DUSP22: variants seen among roughly 807,000 people sequenced by gnomAD.
DUSP22 encodes the protein dual specificity protein phosphatase 22.
DUSP22 carries 24 observed loss-of-function variants against 24.5 expected under a neutral mutation model. That is an observed-to-expected ratio of 0.98 (90% CI 0.71 to 1.38). The LOEUF (loss-of-function observed/expected upper bound fraction) is 1.38, where lower values mean the gene tolerates loss of function less well. DUSP22 is among the 40% of genes most tolerant of loss of function. The pLI is 0.00. For synonymous variants in DUSP22, 160 were observed against 106.4 expected (o/e 1.50, Z -3.10); for missense variants, 330 against 269.2 (o/e 1.23, Z -1.58).
chr6:338,118 G>A (rs1235982277), intron 4 of DUSP22: 1 of 152,448 alleles, frequency 6.6e-6, no homozygotes, highest in Non-Finnish European at 1.5e-5. Flanking sequence ...TGGGAGTCAT[G>A]CTCTTGTGTG....
At chr6:320,528 T>C (rs1480033715) in intron 3 of DUSP22, among the ~76,000 whole-genome samples, 3 of 152,306 alleles carry the variant, frequency 2.0e-5, no homozygotes, top group African/African-American at 7.2e-5. Context: ...CTGAGTGTAG[T>C]GTGCATAGAC....
intron 2 of DUSP22, among the ~76,000 whole-genome samples, chr6:310,633 C>T (rs1758039603): frequency 6.6e-6 from 1 of 152,306 alleles, no homozygotes; most frequent in African/African-American, 2.4e-5. Context: ...CTTTTGACGT[C>T]TGGGGAAAGA....
Position 350,441 on chromosome 6 carries a change from G to T in DUSP22, c.*1490G>T, listed in dbSNP as rs1032404779. 9.7e-6 allele frequency: 11 copies of T among 1,130,158 alleles called. No homozygotes were observed. In the South Asian group the frequency reaches 2.1e-4, roughly 22 times the overall value. 70.0% of individuals were successfully genotyped at this position (1,130,158 alleles called of 1,614,324 possible). ...CTCCCTAAAAAGATGTTGCAACCCA[G>T]TTTCTCTGAATTCCACCACAAAAAG... On this transcript the variant is annotated 3_prime_UTR_variant, in exon 7 of 7. Transcript: ENST00000419235.
At chr6:309,526 C>T (rs1253441113) in intron 2 of DUSP22, among the ~76,000 whole-genome samples, 1 of 152,280 alleles carries the variant, frequency 6.6e-6, no homozygotes, top group African/African-American at 2.4e-5. Context: ...ATTTTTTTTC[C>T]TGACGTTGCT....
chr6:345,221 TTTC>T (rs1759802994), intron 4 of DUSP22, among the ~76,000 whole-genome samples: 2 of 120,858 alleles, frequency 1.7e-5, no homozygotes, highest in South Asian at 2.7e-4. Flanking sequence ...TTCTGGTTTC[TTTC>T]TTTTTTTTTT....
intron 1 of DUSP22, among the ~76,000 whole-genome samples, chr6:300,612 A>C (rs1304134206): frequency 3.9e-5 from 6 of 152,292 alleles, no homozygotes; most frequent in African/African-American, 1.4e-4. Context: ...CAGAAAGGGC[A>C]GAGTCTCCTG....
At chr6:321,872 A>AT (rs1402124829) in intron 3 of DUSP22, among the ~76,000 whole-genome samples, 22 of 152,306 alleles carry the variant, frequency 1.4e-4, no homozygotes, top group Non-Finnish European at 3.1e-4. Flanking sequence ...ATAAGTACCC[A>AT]TGGCTCTGCC....
chr6:297,849 G>A (rs1757411335), intron 1 of DUSP22, among the ~76,000 whole-genome samples: 1 of 152,302 alleles, frequency 6.6e-6, no homozygotes, highest in Non-Finnish European at 1.5e-5. Flanking sequence ...TTTCCACCTG[G>A]CAGCAGGTGA....
At chr6:293,402 T>C (rs938960391) in intron 1 of DUSP22, among the ~76,000 whole-genome samples, 28 of 152,282 alleles carry the variant, frequency 1.8e-4, no homozygotes, top group East Asian at 9.6e-4. Context: ...CGAGGAAGGA[T>C]TGACAAGACT....
chr6:348,534 C>A, intron 6 of DUSP22: 2 of 845,458 alleles, frequency 2.4e-6, no homozygotes, highest in Non-Finnish European at 3.6e-6. Context: ...CTTTGGGTGA[C>A]GTACCATTTC....
intron 1 of DUSP22, among the ~76,000 whole-genome samples, chr6:294,709 C>A (rs1757247144): frequency 6.6e-6 from 1 of 152,268 alleles, no homozygotes; most frequent in Non-Finnish European, 1.5e-5. Flanking sequence ...TTGGACTAGC[C>A]ACATTTGGAG....
intron 2 of DUSP22, 141 bp from the exon 3 acceptor site, chr6:311,739 C>T (rs945695269): frequency 1.7e-5 from 15 of 872,780 alleles, no homozygotes; most frequent in African/African-American, 8.6e-5. Flanking sequence ...CCCTAAGTTT[C>T]CTACATGTAT....
At chr6:293,962 T>G (rs1757210733) in intron 1 of DUSP22, among the ~76,000 whole-genome samples, 1 of 152,286 alleles carries the variant, frequency 6.6e-6, no homozygotes, top group Non-Finnish European at 1.5e-5. Context: ...TCATCATAAG[T>G]CTGTGGGCTC....
At chr6:342,981 C>A (rs1759680376) in intron 4 of DUSP22, among the ~76,000 whole-genome samples, 3 of 152,308 alleles carry the variant, frequency 2.0e-5, no homozygotes, top group Admixed American at 2.0e-4. Context: ...CAGCTGGCTA[C>A]CCAGCTCTTT....
At chr6:320,876 C>T (rs905968290) in intron 3 of DUSP22, among the ~76,000 whole-genome samples, 128 of 152,366 alleles carry the variant, frequency 8.4e-4, no homozygotes, top group African/African-American at 3.0e-3. Context: ...TGTTACTCCT[C>T]CAGACTCAGC....
At chr6:326,242 G>T in intron 3 of DUSP22, 1 of 232,526 alleles carries the variant, frequency 4.3e-6, no homozygotes, top group Non-Finnish European at 8.0e-6. Context: ...TGCTGTATCT[G>T]CTGGTGCCTG....
chr6:315,332 T>A (rs575840510), intron 3 of DUSP22, among the ~76,000 whole-genome samples: 2 of 152,418 alleles, frequency 1.3e-5, no homozygotes, highest in Admixed American at 1.3e-4. Context: ...AAACAGGGTC[T>A]AGAGATCAGC....
chr6:317,158 T>C (rs1388881620), intron 3 of DUSP22, among the ~76,000 whole-genome samples: 2 of 152,296 alleles, frequency 1.3e-5, no homozygotes, highest in South Asian at 4.1e-4. Flanking sequence ...CCTGTACTTC[T>C]GTCTTTATTT....
At chr6:339,138 A>G (rs6936118) in intron 4 of DUSP22, among the ~76,000 whole-genome samples, 1 of 152,306 alleles carries the variant, frequency 6.6e-6, no homozygotes, top group Non-Finnish European at 1.5e-5. Flanking sequence ...TTTTGTCATG[A>G]TTAGAGGCGT....
Sources: gnomAD v4.1 joint callset for allele counts (sites outside exome capture counted in the v4.1 genomes callset) on GRCh38, gnomAD v4.1.1 for gene constraint, MANE v1.5 for transcripts, NCBI Gene and HGNC (gene_info 2026-07-23, HGNC 2026-07-21) for gene names.